FSIP2: variants seen among roughly 807,000 people sequenced by gnomAD.
The protein encoded by FSIP2 is fibrous sheath interacting protein 2.
Under a neutral mutation model 510.5 loss-of-function variants are expected in FSIP2, and 367 were observed. That is an observed-to-expected ratio of 0.72 (90% confidence interval 0.66 to 0.78). FSIP2 has a LOEUF of 0.78. FSIP2 is among the 30% of genes least tolerant of loss of function. FSIP2 has a pLI of 0.00. For missense variants in FSIP2, 7,594 were observed against 7,901.7 expected, an observed-to-expected ratio of 0.96 and a Z score of 1.48; for synonymous variants, 2,601 against 2,732.2, an observed-to-expected ratio of 0.95 and a Z score of 1.50.
At chr2:185,746,069 G>A (rs1692023312) in intron 5 of FSIP2, among the ~76,000 whole-genome samples, 1 of 152,102 alleles carries the variant, frequency 6.6e-6, no homozygotes, top group African/African-American at 2.4e-5. Context: ...AGTAAAGGAT[G>A]TTATAGTTCT....
At position 185,808,013 on chromosome 2, in the gene FSIP2, A is replaced by C. The variant is rs1194307042; in HGVS notation, c.18707A>C (p.Lys6236Thr). ...AAGATTAAACTTGTACCACCCACCA[A>C]GGAATCACCTACTGTGCCTGTAGCT... Reference protein sequence around the residue: ...KSKIKLVPPTKESPTVPVADN... With the variant: ...KSKIKLVPPTTESPTVPVADN... The change falls in exon 17 of 23, where the codon AAG becomes ACG. Residue 6236 changes from lysine to threonine, a missense_variant. Lys to Thr is a moderately conservative substitution (Grantham distance 78). Transcript: ENST00000424728. The C allele has an allele frequency of 6.2e-7, 1 of 1,611,244 alleles. No homozygotes were observed. Among genetic ancestry groups the C allele is most frequent in the Non-Finnish European group, 8.5e-7 (1 of 1,178,152 alleles).
intron 9 of FSIP2, among the ~76,000 whole-genome samples, 163 bp from the exon 10 acceptor site, chr2:185,760,825 A>G (rs1172596533): frequency 6.6e-6 from 1 of 150,634 alleles, no homozygotes; most frequent in Non-Finnish European, 1.5e-5. Flanking sequence ...TCTAGGGATA[A>G]TAGACATGTT....
chr2:185,826,627 T>C (rs1694016186), intron 20 of FSIP2, among the ~76,000 whole-genome samples: 1 of 151,802 alleles, frequency 6.6e-6, no homozygotes, highest in Admixed American at 6.6e-5. Flanking sequence ...TTTTAACTGT[T>C]TTTTTGACTG....
chr2:185,781,059 A>ATTTT, intron 13 of FSIP2, among the ~76,000 whole-genome samples: 1 of 145,594 alleles, frequency 6.9e-6, no homozygotes, highest in Non-Finnish European at 1.5e-5. Flanking sequence ...CTGTGGCATG[A>ATTTT]TTTTTTTTTT....
Position 185,807,884 on chromosome 2 carries a change from T to A in FSIP2, c.18578T>A (p.Ile6193Lys). Residue 6193 changes from isoleucine to lysine, a missense_variant, in exon 17 of 23, where the codon ATA (isoleucine) becomes AAA (lysine). By Grantham distance (102) the Ile-to-Lys change is moderately radical. Transcript: ENST00000424728. ...AAATTTTTATCAAAGCTTTTATCTA[T>A]ATTTCCAAAAGTACATAAAGAAAGA... ...AVKFLSKLLS[I>K]FPKVHKERTK... 6.2e-7 allele frequency: 1 copy of A among 1,605,268 alleles called. No individual in the cohort carries two copies. The highest frequency in any genetic ancestry group is 8.5e-7 in the Non-Finnish European group (1 of 1,176,932).
At chr2:185,744,163 T>A (rs1691979633) in intron 3 of FSIP2, among the ~76,000 whole-genome samples, 159 bp from the exon 4 acceptor site, 1 of 152,106 alleles carries the variant, frequency 6.6e-6, no homozygotes, top group African/African-American at 2.4e-5. Flanking sequence ...TGTTAGCAGT[T>A]TATTACTCTT....
chr2:185,797,891 A>G (rs919024783), intron 16 of FSIP2, among the ~76,000 whole-genome samples: 5 of 151,682 alleles, frequency 3.3e-5, no homozygotes, highest in African/African-American at 9.7e-5. Flanking sequence ...GGGTTTTGCT[A>G]TGTTGCGCAG....
In FSIP2 at chr2:185,806,789, C is replaced by T; in HGVS notation, c.17483C>T (p.Ala5828Val). Residue 5828 changes from alanine to valine, a missense_variant, in exon 17 of 23, where the codon GCT (alanine) becomes GTT (valine). Coordinates refer to ENST00000424728, the MANE Select transcript of FSIP2 (RefSeq NM_173651.4). ...KQNQAKLYDTAMKLINSLLKE... is the reference protein window; with the variant it reads ...KQNQAKLYDTVMKLINSLLKE... Reference sequence around the variant, plus strand: ...AATCAAGCCAAACTCTATGACACTGCTATGAAACTCATCAATTCACTGTTA... The same window carrying T: ...AATCAAGCCAAACTCTATGACACTGTTATGAAACTCATCAATTCACTGTTA... The T allele has an allele frequency of 6.2e-7, 1 of 1,611,762 alleles. No homozygotes were observed. Among genetic ancestry groups the T allele is most frequent in the Non-Finnish European group, 8.5e-7 (1 of 1,178,544 alleles).
At chr2:185,786,382 A>G in intron 15 of FSIP2, 94 bp downstream of exon 15, 1 of 783,344 alleles carries the variant, frequency 1.3e-6, no homozygotes. Flanking sequence ...AGTAATAGGA[A>G]TCATCCATTG....
chr2:185,830,669 A>G (rs55744225), intron 21 of FSIP2, among the ~76,000 whole-genome samples: 81,826 of 151,630 alleles, frequency 0.54, 22,464 homozygotes, highest in South Asian at 0.65. Flanking sequence ...AAGTCTATAC[A>G]TGTTCGGTAT....
Position 185,794,295 on chromosome 2 carries a change from A to T in FSIP2, c.7159A>T (p.Ile2387Phe), listed in dbSNP as rs748907612. 24 of 1,525,170 alleles carry T rather than the reference A, an allele frequency of 1.6e-5. 1 individual carries two copies. The South Asian group carries it at 2.9e-4, about 19-fold the overall frequency. 94.5% of individuals were successfully genotyped at this position (1,525,170 alleles called of 1,614,324 possible). The change falls in exon 16 of 23, where the codon ATC becomes TTC. Residue 2387 changes from isoleucine (I) to phenylalanine (F), a missense_variant. Coordinates refer to ENST00000424728, the MANE Select transcript of FSIP2 (RefSeq NM_173651.4). Reference sequence around the variant, plus strand: ...AAACAATATTTTGTTCCAAGAAAACATCATTGTGAGTGAAATTGTTGACAG... The same window carrying T: ...AAACAATATTTTGTTCCAAGAAAACTTCATTGTGAGTGAAATTGTTGACAG... ...YQNNILFQENIIVSEIVDSML... is the reference protein window; with the variant it reads ...YQNNILFQENFIVSEIVDSML...
chr2:185,793,126 C>T lies in FSIP2; in HGVS notation c.5990C>T (p.Ser1997Phe), dbSNP rs1464671597. The T allele has an allele frequency of 6.5e-7, 1 of 1,534,090 alleles. No homozygotes were observed. Among genetic ancestry groups the T allele is most frequent in the East Asian group, 2.4e-5 (1 of 40,838 alleles). Residue 1997 changes from serine to phenylalanine, a missense_variant, in exon 16 of 23, where the codon TCT (serine) becomes TTT (phenylalanine). Transcript: ENST00000424728. ...ACCAACTTGTGCCAACTGTCTTTGT[C>T]TAAATTAAATACTTATGCACTACAA... ...GKTNLCQLSL[S>F]KLNTYALQVA...
chr2:185,828,245 T>C, intron 21 of FSIP2, 46 bp downstream of exon 21: 1 of 1,056,084 alleles, frequency 9.5e-7, no homozygotes. Flanking sequence ...TAGGAGCTAG[T>C]TCAGAACAAC....
Position 185,801,616 on chromosome 2 carries a change from T to A in FSIP2, c.12310T>A (p.Ser4104Thr), listed in dbSNP as rs115530920. 1,172 of 1,532,788 alleles carry A rather than the reference T, an allele frequency of 7.6e-4. 10 individuals carry two copies. The African/African-American group carries it at 0.015, about 19-fold the overall frequency. The allele number at this position is 1,532,788 out of a possible 1,614,324, so 94.9% of individuals were successfully genotyped here. A position where few individuals can be genotyped will look rare whatever the true frequency, so the allele number is the denominator to read the frequency against. The change falls in exon 17 of 23, where the codon TCA (serine) becomes ACA (threonine). Residue 4104 changes from serine (S) to threonine (T), a missense_variant. Coordinates refer to ENST00000424728, the MANE Select transcript of FSIP2 (RefSeq NM_173651.4). ...CTTCAAGGAACATCTCATACCCCAT[T>A]CATATTACCCTCTCAAACCTGAAAT... ...SCFKEHLIPH[S>T]YYPLKPEIIL...
At position 185,803,414 on chromosome 2, in the gene FSIP2, G is replaced by A. The variant is rs1332140507; in HGVS notation, c.14108G>A (p.Ser4703Asn). 6.5e-7 allele frequency: 1 copy of A among 1,531,946 alleles called. No individual in the cohort carries two copies. The highest frequency in any genetic ancestry group is 2.0e-5 in the Admixed American group (1 of 50,560). 94.9% of individuals were successfully genotyped at this position (1,531,946 alleles called of 1,614,324 possible). ...AAAACAATTGTTGACATGGTGTACA[G>A]CAAAGTTTTGCAAGAATATGAAATG... Reference protein sequence around the residue: ...VVKTIVDMVYSKVLQEYEMEV... With the variant: ...VVKTIVDMVYNKVLQEYEMEV... The change falls in exon 17 of 23, where the codon AGC becomes AAC. Residue 4703 changes from serine (S) to asparagine (N), a missense_variant. Coordinates refer to ENST00000424728, the MANE Select transcript of FSIP2 (RefSeq NM_173651.4).
At chr2:185,810,186 C>A (rs1374177260) in intron 17 of FSIP2, among the ~76,000 whole-genome samples, 4 of 152,028 alleles carry the variant, frequency 2.6e-5, no homozygotes, top group Non-Finnish European at 5.9e-5. Context: ...AGCTTTCACA[C>A]CCTGATATAG....
intron 4 of FSIP2, chr2:185,745,118 C>A: frequency 5.8e-6 from 1 of 173,578 alleles, no homozygotes; most frequent in Non-Finnish European, 1.2e-5. Context: ...ACAAGAAAGA[C>A]TTTAATATAT....
At chr2:185,741,189 T>G (rs1261941455) in intron 2 of FSIP2, among the ~76,000 whole-genome samples, 1 of 152,212 alleles carries the variant, frequency 6.6e-6, no homozygotes, top group Non-Finnish European at 1.5e-5. Flanking sequence ...TATTGCCATT[T>G]TCTCTGTCGA....
At chr2:185,761,190 C>A in intron 10 of FSIP2, 87 bp downstream of exon 10, 3 of 490,780 alleles carry the variant, frequency 6.1e-6, no homozygotes, top group Non-Finnish European at 7.0e-6. Context: ...CCTTCAGCAG[C>A]ATAGTACTGA....
Sources: allele counts gnomAD v4.1 joint callset (sites outside exome capture counted in the v4.1 genomes callset), GRCh38; gene constraint gnomAD v4.1.1; transcripts MANE v1.5; gene names NCBI Gene and HGNC (gene_info 2026-07-23, HGNC 2026-07-21).